The following SORL1 variants were observed in gnomAD, a reference collection of about 807,000 sequenced individuals.
SORL1 encodes sortilin related receptor 1.
Under a neutral mutation model 273.7 loss-of-function variants are expected in SORL1, and 127 were observed. The observed-to-expected ratio is 0.46, with a 90% CI of 0.40 to 0.54. The LOEUF is 0.54. SORL1 is among the 20% of genes least tolerant of loss of function. The probability of loss-of-function intolerance (pLI) is 0.00; values close to 1 mark genes in which losing one functional copy is unlikely to be tolerated. For missense variants in SORL1, 2,494 were observed against 2,846.1 expected (o/e 0.88, Z 2.81); for synonymous variants, 1,031 against 1,067.4 (o/e 0.97, Z 0.66).
In SORL1 at chr11:121,586,211, T is replaced by C. The variant is rs371434117; in HGVS notation, c.3707-11T>C. ...CTCGTCATTCTTCTGTGTTGTTGAA[T>C]TCTATTTCAGAGAAGAAGTGCAATG... is the stretch of plus-strand genomic sequence containing the variant. On this transcript the variant is annotated splice_polypyrimidine_tract_variant and intron_variant, in intron 26 of 47. Transcript: ENST00000260197. The C allele has an allele frequency of 7.7e-5, 123 of 1,601,514 alleles. No homozygotes were observed. The highest frequency in any genetic ancestry group is 9.3e-5 in the Non-Finnish European group (109 of 1,168,718).
chr11:121,476,214 C>A (rs958580528), intron 2 of SORL1, among the ~76,000 whole-genome samples: 8 of 152,196 alleles, frequency 5.3e-5, no homozygotes, highest in African/African-American at 1.9e-4. Context: ...AATGTCCATT[C>A]TTGGCCGGCA....
intron 14 of SORL1, among the ~76,000 whole-genome samples, chr11:121,549,576 C>CT (rs1862478600): frequency 6.6e-6 from 1 of 152,120 alleles, no homozygotes; most frequent in African/African-American, 2.4e-5. Flanking sequence ...TCTTTTACTT[C>CT]TTCAGATTCT....
At chr11:121,510,866 T>C (rs1410932945) in intron 6 of SORL1, among the ~76,000 whole-genome samples, 1 of 152,194 alleles carries the variant, frequency 6.6e-6, no homozygotes. Flanking sequence ...AGGAGGGATG[T>C]GGAGATCAGA....
At chr11:121,534,763 C>T (rs955486214) in intron 12 of SORL1, among the ~76,000 whole-genome samples, 1 of 152,130 alleles carries the variant, frequency 6.6e-6, no homozygotes, top group Non-Finnish European at 1.5e-5. Flanking sequence ...ACTGTGACAC[C>T]CATGCACAAG....
intron 3 of SORL1, among the ~76,000 whole-genome samples, chr11:121,485,603 C>T (rs768151287): frequency 1.1e-4 from 16 of 152,136 alleles, no homozygotes; most frequent in Non-Finnish European, 1.6e-4. Flanking sequence ...CATTCTATGA[C>T]GGGGTGCGTG....
At chr11:121,502,121 A>ATTTTT (rs1242828050) in intron 6 of SORL1, among the ~76,000 whole-genome samples, 2 of 82,392 alleles carry the variant, frequency 2.4e-5, no homozygotes, top group Admixed American at 1.3e-4. Context: ...TCATGTGACA[A>ATTTTT]TTCTTTTTTT....
At position 121,629,385 on chromosome 11, in the gene SORL1, C is replaced by A; in HGVS notation, c.6578-111C>A. ...GGTGGCTGCCTGGCTATGGCATTGA[C>A]CTTCTCAGCTAGAGGGTTGTGGTAG... On this transcript the variant is annotated intron_variant, in intron 47 of 47. Coordinates refer to ENST00000260197, the MANE Select transcript of SORL1 (RefSeq NM_003105.6). 2 of 684,226 alleles carry A rather than the reference C, an allele frequency of 2.9e-6. 1 individual carries two copies. The highest frequency in any genetic ancestry group is 5.4e-6 in the Non-Finnish European group (2 of 370,750). The allele number at this position is 684,226 out of a possible 1,614,324, so 42.4% of individuals were successfully genotyped here.
intron 19 of SORL1, among the ~76,000 whole-genome samples, chr11:121,558,258 A>G (rs914849238): frequency 2.6e-5 from 4 of 152,264 alleles, no homozygotes; most frequent in African/African-American, 9.6e-5. Flanking sequence ...GTGAGCATAT[A>G]TAGATTTTTA....
chr11:121,620,057 A>T (rs1294184213), intron 43 of SORL1, 140 bp downstream of exon 43: 1 of 687,346 alleles, frequency 1.5e-6, no homozygotes, highest in Non-Finnish European at 2.6e-6. Context: ...CTCCCATTTC[A>T]GTCTGACCAA....
chr11:121,467,418 A>G (rs1488784777), intron 1 of SORL1, among the ~76,000 whole-genome samples: 1 of 152,134 alleles, frequency 6.6e-6, no homozygotes, highest in African/African-American at 2.4e-5. Flanking sequence ...AAGCTTTGCA[A>G]CCTACTCAAA....
chr11:121,536,148 C>CT (rs1318232194), intron 12 of SORL1, among the ~76,000 whole-genome samples: 1 of 152,060 alleles, frequency 6.6e-6, no homozygotes, highest in Non-Finnish European at 1.5e-5. Flanking sequence ...CCCAAAGCAT[C>CT]TTTTTTTTCT....
intron 11 of SORL1, among the ~76,000 whole-genome samples, chr11:121,527,255 T>C (rs1019017522): frequency 2.0e-5 from 3 of 152,054 alleles, no homozygotes; most frequent in African/African-American, 7.2e-5. Flanking sequence ...TTTACATTTA[T>C]TAAAATGATT....
chr11:121,582,729 G>C (rs1591337769), intron 25 of SORL1, among the ~76,000 whole-genome samples: 1 of 152,172 alleles, frequency 6.6e-6, no homozygotes, highest in Non-Finnish European at 1.5e-5. Flanking sequence ...CATATTATTG[G>C]CTGGTAGATG....
chr11:121,616,483 C>T (rs775833330), intron 41 of SORL1, among the ~76,000 whole-genome samples: 1 of 152,198 alleles, frequency 6.6e-6, no homozygotes, highest in African/African-American at 2.4e-5. Context: ...GGACCCCTTT[C>T]CTCTCCAGAG....
chr11:121,515,248 C>G (rs1302706972), intron 8 of SORL1, among the ~76,000 whole-genome samples: 3 of 152,202 alleles, frequency 2.0e-5, no homozygotes, highest in Non-Finnish European at 4.4e-5. Context: ...AGTTTGTATT[C>G]TAGTTGGGGA....
chr11:121,469,640 T>A (rs539277083), intron 1 of SORL1, among the ~76,000 whole-genome samples: 1 of 152,354 alleles, frequency 6.6e-6, no homozygotes, highest in African/African-American at 2.4e-5. Context: ...ACAAGGGCAA[T>A]GTTTCCATGC....
intron 6 of SORL1, among the ~76,000 whole-genome samples, chr11:121,510,178 A>G (rs74547961): frequency 3.0e-4 from 46 of 152,378 alleles, no homozygotes; most frequent in African/African-American, 1.0e-3. Context: ...GGACAGTAAG[A>G]TACACTGTTA....
chr11:121,466,799 C>T (rs1045179950), intron 1 of SORL1, among the ~76,000 whole-genome samples: 8 of 152,024 alleles, frequency 5.3e-5, no homozygotes, highest in Non-Finnish European at 1.0e-4. Context: ...CCTGACATCT[C>T]GCCAAGCAAA....
In SORL1 at chr11:121,488,055, C is replaced by G; in HGVS notation, c.552C>G (p.Ala184=). The G allele has an allele frequency of 6.2e-7, 1 of 1,614,126 alleles. No homozygotes were observed. Among genetic ancestry groups the G allele is most frequent in the Non-Finnish European group, 8.5e-7 (1 of 1,180,020 alleles). ...NKRYIFADAY[A]QYLWITFDFC... ...AGTACATCTTTGCAGACGCTTATGC[C>G]CAGTACCTCTGGATCACGTTTGACT... Residue 184 remains alanine, a synonymous_variant, in exon 4 of 48, where the codon GCC becomes GCG. Coordinates refer to ENST00000260197, the MANE Select transcript of SORL1 (RefSeq NM_003105.6).
Sources: allele counts gnomAD v4.1 joint callset (sites outside exome capture counted in the v4.1 genomes callset), GRCh38; gene constraint gnomAD v4.1.1; transcripts MANE v1.5; gene names NCBI Gene and HGNC (gene_info 2026-07-23, HGNC 2026-07-21).